SLC44A3: variants seen among roughly 807,000 people sequenced by gnomAD.
The protein encoded by SLC44A3 is solute carrier family 44 member 3, also known as choline transporter-like protein 3.
Under a neutral mutation model 75.4 loss-of-function variants are expected in SLC44A3, and 74 were observed. The observed-to-expected ratio is 0.98, with a 90% CI of 0.81 to 1.19. The LOEUF (loss-of-function observed/expected upper bound fraction) is 1.19, where lower values mean the gene tolerates loss of function less well. Ranked by LOEUF, SLC44A3 falls within the 50% of genes most tolerant of loss-of-function variation. The pLI, the probability that SLC44A3 is intolerant of heterozygous loss-of-function variation, is 0.00. For synonymous variants in SLC44A3, 310 were observed against 296.9 expected (o/e 1.04, Z -0.45); for missense variants, 700 against 778.6 (o/e 0.90, Z 1.20).
intron 10 of SLC44A3, among the ~76,000 whole-genome samples, chr1:94,859,390 A>G (rs533191922): frequency 4.5e-4 from 67 of 148,614 alleles, no homozygotes; most frequent in Middle Eastern, 3.2e-3. Context: ...AGCAGATAAG[A>G]AACACCAACC....
chr1:94,825,055 A>G (rs1045191869), intron 3 of SLC44A3, among the ~76,000 whole-genome samples: 1 of 152,122 alleles, frequency 6.6e-6, no homozygotes, highest in African/African-American at 2.4e-5. Context: ...TCATCCACAC[A>G]TTGTTTCTAC....
intron 5 of SLC44A3, 124 bp downstream of exon 5, chr1:94,828,710 T>C: frequency 1.3e-6 from 1 of 787,952 alleles, no homozygotes; most frequent in East Asian, 2.6e-5. Context: ...TGCAGGGAGC[T>C]TACAGTCTAC....
intron 7 of SLC44A3, 28 bp downstream of exon 7, chr1:94,840,065 C>A (rs1205409861): frequency 5.7e-6 from 9 of 1,575,338 alleles, no homozygotes; most frequent in Non-Finnish European, 7.0e-6. Context: ...TGACTGATTT[C>A]TTTTCGATTA....
At chr1:94,882,358 T>G (rs915884031) in intron 12 of SLC44A3, among the ~76,000 whole-genome samples, 35 of 152,128 alleles carry the variant, frequency 2.3e-4, no homozygotes, top group African/African-American at 8.2e-4. Context: ...TGGCGCTCAC[T>G]AATAGGGACG....
At chr1:94,872,080 T>C (rs1667817782) in intron 12 of SLC44A3, among the ~76,000 whole-genome samples, 1 of 152,188 alleles carries the variant, frequency 6.6e-6, no homozygotes, top group African/African-American at 2.4e-5. Context: ...TTTACTTCTG[T>C]TGAGTATTCC....
At chr1:94,826,735 A>G (rs913034407) in intron 3 of SLC44A3, among the ~76,000 whole-genome samples, 1 of 152,126 alleles carries the variant, frequency 6.6e-6, no homozygotes, top group Non-Finnish European at 1.5e-5. Flanking sequence ...CACACCCAGG[A>G]AATCTGTTCC....
At chr1:94,862,766 A>G (rs1666726006) in intron 10 of SLC44A3, among the ~76,000 whole-genome samples, 2 of 152,198 alleles carry the variant, frequency 1.3e-5, no homozygotes, top group Non-Finnish European at 2.9e-5. Context: ...CTGGGGGCCC[A>G]GTCCTCCCCA....
chr1:94,847,443 TTACATAGC>T (rs201950528), intron 9 of SLC44A3, among the ~76,000 whole-genome samples: 22,930 of 152,194 alleles, frequency 0.15, 2,085 homozygotes, highest in South Asian at 0.23. Flanking sequence ...CAGGTCCCAG[TTACATAGC>T]AGTGCTTATC....
Position 94,892,315 on chromosome 1 carries a change from T to C in SLC44A3, c.1655T>C (p.Leu552Pro). ...GTGTGTTTCACTGTTTTTGGAGGAC[T>C]CATGGCTTTTAACTACAATCGGGCA... Reference protein sequence around the residue: ...LVVCFTVFGGLMAFNYNRAFQ... With the variant: ...LVVCFTVFGGPMAFNYNRAFQ... Residue 552 changes from leucine (L) to proline (P), a missense_variant, in exon 14 of 15, where the codon CTC (leucine) becomes CCC (proline). Coordinates refer to ENST00000271227, the MANE Select transcript of SLC44A3 (RefSeq NM_001114106.3). The C allele has an allele frequency of 6.2e-7, 1 of 1,614,260 alleles. No homozygotes were observed. The highest frequency in any genetic ancestry group is 1.3e-5 in the African/African-American group (1 of 75,066).
chr1:94,857,608 A>ATCT, intron 10 of SLC44A3, 108 bp downstream of exon 10: 1 of 1,184,554 alleles, frequency 8.4e-7, no homozygotes, highest in Non-Finnish European at 1.1e-6. Flanking sequence ...CCCTTAAAAG[A>ATCT]AGTTGGCAAG....
intron 9 of SLC44A3, among the ~76,000 whole-genome samples, chr1:94,847,256 C>T (rs1003326515): frequency 2.6e-5 from 4 of 152,226 alleles, no homozygotes; most frequent in African/African-American, 4.8e-5. Context: ...CGCTCAAGGA[C>T]TCAGGCACCC....
chr1:94,820,374 C>G lies in SLC44A3; in HGVS notation c.-78C>G. ...CCAGCCCCAGCCCCGGCCCCGGCCC[C>G]GGCTCGCGGGCGCTGCGTCTCCGCG... On this transcript the variant is annotated 5_prime_UTR_variant, in exon 1 of 15. Transcript: ENST00000271227. 2.2e-6 allele frequency: 3 copies of G among 1,372,840 alleles called. No homozygotes were observed. Among genetic ancestry groups the G allele is most frequent in the Non-Finnish European group, 2.8e-6 (3 of 1,066,818 alleles). 85.0% of individuals were successfully genotyped at this position (1,372,840 alleles called of 1,614,324 possible).
intron 12 of SLC44A3, among the ~76,000 whole-genome samples, chr1:94,872,460 GTTC>G (rs1667864469): frequency 6.6e-6 from 1 of 150,828 alleles, no homozygotes; most frequent in South Asian, 2.1e-4. Flanking sequence ...TCAATGCTTT[GTTC>G]TTCTTCCAGC....
intron 3 of SLC44A3, among the ~76,000 whole-genome samples, chr1:94,825,520 G>A (rs3860351): frequency 0.79 from 119,692 of 151,762 alleles, 47,955 homozygotes; most frequent in East Asian, 0.96. Context: ...TAGTAGAGAC[G>A]GGGTTTCACT....
intron 5 of SLC44A3, among the ~76,000 whole-genome samples, chr1:94,833,515 C>T (rs555420560): frequency 2.6e-4 from 39 of 152,298 alleles, no homozygotes; most frequent in Middle Eastern, 3.4e-3. Flanking sequence ...GGGACTTGTG[C>T]ACATGCAGCC....
intron 14 of SLC44A3, among the ~76,000 whole-genome samples, chr1:94,893,098 C>T (rs1186420179): frequency 6.6e-6 from 1 of 152,156 alleles, no homozygotes; most frequent in Non-Finnish European, 1.5e-5. Flanking sequence ...TTTGCAACAG[C>T]CTTTGCAACA....
chr1:94,857,493 TTCAACAGGTAGG>T lies in SLC44A3; in HGVS notation c.1234_1238+7del, dbSNP rs754548553. ...AGCTGGGGCAGTGGTTACTTGTTAT[TTCAACAGGTAGG>T]TCCAGTGTTTTTTTTCTATTGGTTT... On this transcript the variant is annotated splice_donor_variant and splice_donor_5th_base_variant and coding_sequence_variant and intron_variant, in exon 10 of 15. Coordinates refer to ENST00000271227, the MANE Select transcript of SLC44A3 (RefSeq NM_001114106.3). LOFTEE classifies it high-confidence loss of function. The T allele has an allele frequency of 6.2e-7, 1 of 1,611,092 alleles. No individual in the cohort carries two copies. The highest frequency in any genetic ancestry group is 8.5e-7 in the Non-Finnish European group (1 of 1,179,146).
chr1:94,875,901 A>C (rs1175414765), intron 12 of SLC44A3, among the ~76,000 whole-genome samples: 1 of 152,206 alleles, frequency 6.6e-6, no homozygotes. Flanking sequence ...AAATATGCTG[A>C]GGGAGACTGC....
intron 8 of SLC44A3, 33 bp from the exon 9 acceptor site, chr1:94,845,245 G>A (rs758108060): frequency 1.2e-5 from 19 of 1,556,622 alleles, no homozygotes; most frequent in Non-Finnish European, 1.6e-5. Flanking sequence ...TCCATTATTT[G>A]GAAGTAATTT....
Sources: allele counts gnomAD v4.1 joint callset (sites outside exome capture counted in the v4.1 genomes callset), GRCh38; gene constraint gnomAD v4.1.1; transcripts MANE v1.5; gene names NCBI Gene and HGNC (gene_info 2026-07-23, HGNC 2026-07-21).